The following MBD1 variants were observed in gnomAD, a reference collection of about 807,000 sequenced individuals.
MBD1 encodes the protein methyl-CpG binding domain protein 1, also known as methyl-CpG-binding domain protein 1.
Under a neutral mutation model 82.6 loss-of-function variants are expected in MBD1, and 25 were observed. The ratio of observed to expected loss-of-function variants is 0.30; its 90% CI spans 0.22 to 0.42. MBD1 has a LOEUF of 0.42. Among genes scored for constraint, MBD1 ranks in the 10% least tolerant of loss-of-function variants. MBD1 has a pLI of 1.00. For missense variants in MBD1, 627 were observed against 819.6 expected (o/e 0.76, Z 2.87); for synonymous variants, 301 against 303.7 (o/e 0.99, Z 0.09).
downstream of MBD1, among the ~76,000 whole-genome samples, chr18:50,268,022 C>T (rs2034125505): frequency 6.6e-6 from 1 of 152,206 alleles, no homozygotes; most frequent in Non-Finnish European, 1.5e-5. Flanking sequence ...GTAAAATACG[C>T]ATTTGCATTT....
upstream of MBD1, chr18:50,281,575 C>T (rs912743357): frequency 1.8e-5 from 10 of 562,066 alleles, no homozygotes; most frequent in African/African-American, 1.9e-4. Context: ...GGCTAAGCAC[C>T]TGCGCACTAT....
chr18:50,270,348 A>G, intron 16 of MBD1: 1 of 651,322 alleles, frequency 1.5e-6, no homozygotes, highest in Admixed American at 2.0e-5. Context: ...TACAGGTCTA[A>G]TCTTTTTGGC....
At chr18:50,275,363 C>G (rs1432147557) in intron 8 of MBD1, 118 bp from the exon 9 acceptor site, 1 of 1,611,536 alleles carries the variant, frequency 6.2e-7, no homozygotes, top group Non-Finnish European at 8.5e-7. Context: ...TGGCGTGAGG[C>G]ACTCACAGTT....
Position 50,269,489 on chromosome 18 carries a change from G to A in MBD1, c.*362C>T, listed in dbSNP as rs2145015199. 3 of 717,954 alleles carry A rather than the reference G, an allele frequency of 4.2e-6. No homozygotes were observed. The highest frequency in any genetic ancestry group is 7.5e-6 in the Non-Finnish European group (3 of 398,652). The allele number at this position is 717,954 out of a possible 1,614,324, so 44.5% of individuals were successfully genotyped here. ...TGGTGCTGGGGCACCAGGCGTTGTT[G>A]CAGTTCACACGTTGCCATGTATCTG... On this transcript the variant is annotated 3_prime_UTR_variant, in exon 17 of 17. Transcript: ENST00000269468.
intron 11 of MBD1, 57 bp downstream of exon 11, chr18:50,274,129 C>G: frequency 1.2e-6 from 2 of 1,609,060 alleles, no homozygotes; most frequent in South Asian, 2.2e-5. Flanking sequence ...CACTTCCAGG[C>G]ACTGGGGCGC....
chr18:50,272,808 C>T lies in MBD1; in HGVS notation c.1716+16G>A, dbSNP rs745643823. On this transcript the variant is annotated intron_variant, in intron 14 of 16. Coordinates refer to ENST00000269468, the MANE Select transcript of MBD1 (RefSeq NM_015846.4). ...ACAGCAGGGTCAGGGCAGGGTGGGG[C>T]ATCCCCAGCACTGACCACGGGTGTG... 1.2e-6 allele frequency: 2 copies of T among 1,614,206 alleles called. No individual in the cohort carries two copies. The highest frequency in any genetic ancestry group is 2.2e-5 in the South Asian group (2 of 91,088).
At chr18:50,279,641 G>A in intron 2 of MBD1, 1 of 494,902 alleles carries the variant, frequency 2.0e-6, no homozygotes, top group East Asian at 3.8e-5. Flanking sequence ...TACATGCATT[G>A]AGTGACAGTT....
intron 16 of MBD1, chr18:50,270,090 G>A (rs780105147): frequency 2.5e-6 from 4 of 1,598,062 alleles, no homozygotes; most frequent in East Asian, 4.5e-5. Context: ...TGGTTCCTGG[G>A]GGAAACAAAG....
Position 50,276,989 on chromosome 18 carries a change from C to T in MBD1, c.235G>A (p.Val79Met), listed in dbSNP as rs573633406. Reference sequence around the variant, plus strand: ...TTTCGCTTCTTGCTGGCAACCGCCACGGGATGGGCCTGGAAAGTAAGGGAA... The same window carrying T: ...TTTCGCTTCTTGCTGGCAACCGCCATGGGATGGGCCTGGAAAGTAAGGGAA... ...LCYPAPKAHP[V>M]AVASKKRKKP... Residue 79 changes from valine (V) to methionine (M), a missense_variant, in exon 4 of 17, where the codon GTG becomes ATG. This residue lies in a region of MBD1 where 75 missense variants were observed against 74.7 expected (regional missense o/e 1.00). Coordinates refer to ENST00000269468, the MANE Select transcript of MBD1 (RefSeq NM_015846.4). 50 of 1,614,182 alleles carry T rather than the reference C, an allele frequency of 3.1e-5. No homozygotes were observed. Among genetic ancestry groups the T allele is most frequent in the African/African-American group, 6.7e-5 (5 of 75,048 alleles).
intron 1 of MBD1, 89 bp downstream of exon 1, chr18:50,281,274 T>C: frequency 1.4e-6 from 2 of 1,474,786 alleles, no homozygotes; most frequent in South Asian, 1.2e-5. Context: ...CTGAGGGCCC[T>C]TCATTCCTCC....
chr18:50,274,761 C>T (rs892127811), intron 10 of MBD1, among the ~76,000 whole-genome samples: 2 of 152,210 alleles, frequency 1.3e-5, no homozygotes, highest in African/African-American at 4.8e-5. Context: ...TCTGTCAATC[C>T]CCACATCAGC....
intron 1 of MBD1, among the ~76,000 whole-genome samples, chr18:50,280,661 C>T (rs866468839): frequency 6.6e-6 from 1 of 152,030 alleles, no homozygotes; most frequent in African/African-American, 2.4e-5. Flanking sequence ...ATTCCTCACA[C>T]TGGAAGCCTC....
intron 1 of MBD1, chr18:50,281,039 T>C (rs1407111082): frequency 5.5e-6 from 5 of 912,920 alleles, no homozygotes; most frequent in East Asian, 3.4e-5. Flanking sequence ...GGGCCCCTCA[T>C]TTCTCCCTCT....
intron 7 of MBD1, 52 bp downstream of exon 7, chr18:50,275,783 G>A: frequency 6.2e-7 from 1 of 1,614,078 alleles, no homozygotes; most frequent in South Asian, 1.1e-5. Flanking sequence ...CCAAGCCCAT[G>A]GGGGCCAGGG....
chr18:50,274,254 G>A lies in MBD1; in HGVS notation c.1078C>T (p.Pro360Ser), dbSNP rs1205111303. Residue 360 changes from proline (P) to serine (S), a missense_variant, in exon 11 of 17, where the codon CCC (proline) becomes TCC (serine). Pro to Ser is a moderately conservative substitution (Grantham distance 74). Coordinates refer to ENST00000269468, the MANE Select transcript of MBD1 (RefSeq NM_015846.4). ...TTCTGGTTGCTGCCCCCGAATTTGG[G>A]CTTGTCGCAGCAGAAGTCGCAGCGG... ...CGRCDFCCDK[P>S]KFGGSNQKRQ... The A allele has an allele frequency of 6.2e-7, 1 of 1,614,144 alleles. No individual in the cohort carries two copies.
intron 8 of MBD1, 141 bp downstream of exon 8, chr18:50,275,459 C>T (rs939736173): frequency 2.5e-6 from 4 of 1,599,078 alleles, no homozygotes; most frequent in Non-Finnish European, 3.4e-6. Flanking sequence ...CAGACAGAGG[C>T]AGGTAGGCGG....
Position 50,281,438 on chromosome 18 carries a change from C to G in MBD1, c.-101G>C, listed in dbSNP as rs959380123. ...TGGCGAGGGTCCCTCCTGCACCTCCCGCCTCGCCCTCCTCCCCTTCCTCCT... is the reference window on the plus strand; with the variant it reads ...TGGCGAGGGTCCCTCCTGCACCTCCGGCCTCGCCCTCCTCCCCTTCCTCCT... On this transcript the variant is annotated 5_prime_UTR_variant, in exon 1 of 17. Coordinates refer to ENST00000269468, the MANE Select transcript of MBD1 (RefSeq NM_015846.4). The G allele has an allele frequency of 1.7e-5, 10 of 589,626 alleles. No individual in the cohort carries two copies. The Admixed American group carries it at 2.1e-4, about 12-fold the overall frequency. The allele number at this position is 589,626 out of a possible 1,614,324, so 36.5% of individuals were successfully genotyped here. A position where few individuals can be genotyped will look rare whatever the true frequency, so the allele number is the denominator to read the frequency against.
chr18:50,273,557 C>A lies in MBD1; in HGVS notation c.1446+7G>T. On this transcript the variant is annotated splice_region_variant and intron_variant, in intron 12 of 16. Coordinates refer to ENST00000269468, the MANE Select transcript of MBD1 (RefSeq NM_015846.4). ...GCTGGGAAGGCAGGACAGGGTGGGG[C>A]CCTCACCTGCAACAGGGCTTCTGTG... The A allele has an allele frequency of 6.2e-7, 1 of 1,612,874 alleles. No individual in the cohort carries two copies. Among genetic ancestry groups the A allele is most frequent in the East Asian group, 2.2e-5 (1 of 44,890 alleles).
chr18:50,281,739 T>G (rs1233778371), upstream of MBD1: 1 of 364,210 alleles, frequency 2.7e-6, no homozygotes, highest in Non-Finnish European at 4.9e-6. Context: ...CAGTTGCGGC[T>G]CTCCTCGCTG....
Sources: gnomAD v4.1 joint callset for allele counts (sites outside exome capture counted in the v4.1 genomes callset) on GRCh38, gnomAD v4.1.1 for gene constraint, gnomAD v4.1.1 regional missense constraint, MANE v1.5 for transcripts, NCBI Gene and HGNC (gene_info 2026-07-23, HGNC 2026-07-21) for gene names.